Variants in NALF1 observed in about 807,000 individuals in gnomAD.
NALF1 encodes family with sequence similarity 155 member A.
In NALF1, 3 loss-of-function variants were observed where a neutral mutation model predicts 48.4. That is an observed-to-expected ratio of 0.06 (90% CI 0.03 to 0.16). NALF1 has a LOEUF of 0.16. Ranked by LOEUF, NALF1 falls within the 10% of genes least tolerant of loss-of-function variation. The pLI is 1.00. For missense variants in NALF1, 526 were observed against 571.5 expected (o/e 0.92, Z 0.81); for synonymous variants, 262 against 245.7 (o/e 1.07, Z -0.62).
chr13:107,725,543 C>T (rs1876122850), intron 1 of NALF1, among the ~76,000 whole-genome samples: 1 of 152,108 alleles, frequency 6.6e-6, no homozygotes, highest in South Asian at 2.1e-4. Flanking sequence ...AACCCTGTTT[C>T]TACTAAAAAA....
chr13:107,513,279 A>C (rs1875954237), intron 1 of NALF1, among the ~76,000 whole-genome samples: 1 of 152,216 alleles, frequency 6.6e-6, no homozygotes, highest in Non-Finnish European at 1.5e-5. Context: ...AATTTATTAA[A>C]ATGTGAATCT....
At chr13:107,800,532 CTAATT>C (rs10608675) in intron 1 of NALF1, among the ~76,000 whole-genome samples, 34,745 of 148,318 alleles carry the variant, frequency 0.23, 4,389 homozygotes, top group Middle Eastern at 0.36. Flanking sequence ...TCTGAATTAA[CTAATT>C]TAAGTCTCAT....
chr13:107,590,248 ATTAATT>A (rs1250102761), intron 1 of NALF1, among the ~76,000 whole-genome samples: 1 of 152,030 alleles, frequency 6.6e-6, no homozygotes, highest in Non-Finnish European at 1.5e-5. Flanking sequence ...CTTGCAAAAT[ATTAATT>A]TTATTTCTAT....
At position 107,861,599 on chromosome 13, in the gene NALF1, A is replaced by G. The variant is rs896759398; in HGVS notation, c.915+4083T>C. 2.6e-5 allele frequency among the ~76,000 whole-genome samples: 4 copies of G among 152,348 alleles called. No individual in the cohort carries two copies. The East Asian group carries it at 7.7e-4, about 29-fold the overall frequency. ...GGAGATCGAGACCATCCTGGCTTACATGATGAAACACCATCTCTATGAAAA... is the reference window on the plus strand; with the variant it reads ...GGAGATCGAGACCATCCTGGCTTACGTGATGAAACACCATCTCTATGAAAA... On this transcript the variant is annotated intron_variant, in intron 1 of 2. Transcript: ENST00000375915.
intron 1 of NALF1, among the ~76,000 whole-genome samples, chr13:107,308,202 T>C (rs1393073926): frequency 7.2e-6 from 1 of 138,426 alleles, no homozygotes; most frequent in African/African-American, 2.6e-5. Flanking sequence ...GTCTATGCTT[T>C]TTTTTTTTTT....
chr13:107,269,250 A>T (rs1881106155), intron 1 of NALF1, among the ~76,000 whole-genome samples: 1 of 152,124 alleles, frequency 6.6e-6, no homozygotes, highest in African/African-American at 2.4e-5. Flanking sequence ...AGCAATAGTC[A>T]GGGGGGTTCA....
chr13:107,723,043 GTTAGAA>G (rs1410807260), intron 1 of NALF1, among the ~76,000 whole-genome samples: 1 of 152,112 alleles, frequency 6.6e-6, no homozygotes, highest in African/African-American at 2.4e-5. Flanking sequence ...AAGCCATCTC[GTTAGAA>G]TTCACATCCA....
chr13:107,599,335 T>G (rs914715558), intron 1 of NALF1, among the ~76,000 whole-genome samples: 7 of 148,888 alleles, frequency 4.7e-5, no homozygotes, highest in Non-Finnish European at 1.0e-4. Flanking sequence ...GGCAGGAGAA[T>G]GGCATGAACC....
chr13:107,762,791 T>G, intron 1 of NALF1, among the ~76,000 whole-genome samples: 1 of 152,204 alleles, frequency 6.6e-6, no homozygotes, highest in East Asian at 1.9e-4. Flanking sequence ...AACAGTACAT[T>G]TAACAATGGT....
At chr13:107,233,978 A>G (rs1384144766) in intron 1 of NALF1, among the ~76,000 whole-genome samples, 2 of 152,162 alleles carry the variant, frequency 1.3e-5, no homozygotes, top group African/African-American at 4.8e-5. Flanking sequence ...ATTACTGTAC[A>G]ATTTATAGGA....
intron 1 of NALF1, among the ~76,000 whole-genome samples, chr13:107,306,460 A>G (rs1360671141): frequency 2.0e-5 from 3 of 152,122 alleles, no homozygotes; most frequent in Non-Finnish European, 4.4e-5. Context: ...TAATAATGAA[A>G]TCTGATACTT....
intron 2 of NALF1, among the ~76,000 whole-genome samples, chr13:107,204,664 A>G (rs970986756): frequency 2.0e-5 from 3 of 152,268 alleles, no homozygotes; most frequent in African/African-American, 7.2e-5. Flanking sequence ...AGAAGATGTC[A>G]CGAACATATG....
chr13:107,650,606 A>G (rs1047625997), intron 1 of NALF1, among the ~76,000 whole-genome samples: 4 of 151,970 alleles, frequency 2.6e-5, no homozygotes, highest in African/African-American at 9.7e-5. Context: ...GAAAGGGAAA[A>G]AAACTGCAAA....
At chr13:107,381,166 TA>T (rs1883432240) in intron 1 of NALF1, among the ~76,000 whole-genome samples, 1 of 148,454 alleles carries the variant, frequency 6.7e-6, no homozygotes, top group African/African-American at 2.5e-5. Flanking sequence ...AAAAGTTCGT[TA>T]GAATAGAGGG....
At chr13:107,753,972 G>A (rs1594245142) in intron 1 of NALF1, among the ~76,000 whole-genome samples, 1 of 152,090 alleles carries the variant, frequency 6.6e-6, no homozygotes, top group Non-Finnish European at 1.5e-5. Flanking sequence ...TCCCATCCAC[G>A]TGCTAAAAAG....
chr13:107,500,963 G>T (rs1363687346), intron 1 of NALF1, among the ~76,000 whole-genome samples: 2 of 151,316 alleles, frequency 1.3e-5, no homozygotes, highest in African/African-American at 4.9e-5. Context: ...GGGGTGGGGG[G>T]AGTGGGGAGG....
intron 1 of NALF1, among the ~76,000 whole-genome samples, chr13:107,472,297 C>A (rs1331525478): frequency 6.6e-6 from 1 of 152,130 alleles, no homozygotes; most frequent in Non-Finnish European, 1.5e-5. Flanking sequence ...CCATTGCACT[C>A]CAGCCTGGGC....
intron 1 of NALF1, among the ~76,000 whole-genome samples, chr13:107,304,894 G>A (rs1881906189): frequency 6.6e-6 from 1 of 152,186 alleles, no homozygotes; most frequent in Non-Finnish European, 1.5e-5. Flanking sequence ...ATGAACACAG[G>A]CTAACTCCTG....
Position 107,170,635 on chromosome 13 carries a change from GCA to G in NALF1, c.1237_1238del (p.Cys413GlnfsTer44), listed in dbSNP as rs1339823008. ...SLTVSSATRL[C>X]NSRLKLCVLV... The stretch of plus-strand genomic sequence containing the variant: ...GAACACACAGCTTGAGTCTGCTGTT[GCA>G]CAGTCTTGTTGCTGATGACACTGTG... On this transcript the variant is annotated frameshift_variant, in exon 3 of 3. Transcript: ENST00000375915. LOFTEE classifies it high-confidence loss of function. 2 of 1,614,082 alleles carry G rather than the reference GCA, an allele frequency of 1.2e-6. No homozygotes were observed. Among genetic ancestry groups the G allele is most frequent in the Non-Finnish European group, 1.7e-6 (2 of 1,180,046 alleles).
Sources: allele counts gnomAD v4.1 joint callset (sites outside exome capture counted in the v4.1 genomes callset), GRCh38; gene constraint gnomAD v4.1.1; transcripts MANE v1.5; gene names NCBI Gene and HGNC (gene_info 2026-07-23, HGNC 2026-07-21).